The following STMN4 variants were observed in gnomAD, a reference collection of about 807,000 sequenced individuals.
The protein encoded by STMN4 is stathmin-4.
STMN4 carries 12 observed loss-of-function variants against 29.1 expected under a neutral mutation model. The ratio of observed to expected loss-of-function variants is 0.41; its 90% confidence interval spans 0.26 to 0.67. STMN4 has a LOEUF of 0.67. STMN4 is among the 30% of genes least tolerant of loss of function. The probability of loss-of-function intolerance (pLI) is 0.30; values close to 1 mark genes in which losing one functional copy is unlikely to be tolerated. For missense variants in STMN4, 181 were observed against 262.8 expected (o/e 0.69, Z 2.15); for synonymous variants, 114 against 105.3 (o/e 1.08, Z -0.51).
intron 1 of STMN4, among the ~76,000 whole-genome samples, chr8:27,250,428 T>A (rs1034631962): frequency 6.6e-6 from 1 of 152,252 alleles, no homozygotes; most frequent in Non-Finnish European, 1.5e-5. Context: ...CAGGAGTTTT[T>A]GTTGGTGGAA....
At chr8:27,249,526 C>T (rs1801724839) in intron 1 of STMN4, among the ~76,000 whole-genome samples, 1 of 152,182 alleles carries the variant, frequency 6.6e-6, no homozygotes, top group Non-Finnish European at 1.5e-5. Context: ...TGAGGTCACG[C>T]AGAGAACTCC....
intron 1 of STMN4, among the ~76,000 whole-genome samples, chr8:27,257,484 A>G (rs1185222566): frequency 7.5e-6 from 1 of 132,892 alleles, no homozygotes; most frequent in African/African-American, 4.2e-5. Context: ...ACACACACAC[A>G]CACACACACA....
chr8:27,254,305 T>G (rs1801874739), intron 1 of STMN4, among the ~76,000 whole-genome samples: 1 of 152,192 alleles, frequency 6.6e-6, no homozygotes, highest in Non-Finnish European at 1.5e-5. Flanking sequence ...CCACTGACAC[T>G]CTGCTCATCC....
chr8:27,246,582 G>A (rs1376889457), intron 1 of STMN4, among the ~76,000 whole-genome samples: 1 of 107,300 alleles, frequency 9.3e-6, no homozygotes, highest in African/African-American at 3.4e-5. Flanking sequence ...AGGGCTTAAT[G>A]AAGGATCTCA....
At position 27,243,075 on chromosome 8, in the gene STMN4, G is replaced by A. The variant is rs962746419; in HGVS notation, c.14-583C>T. 2.0e-5 allele frequency among the ~76,000 whole-genome samples: 3 copies of A among 152,076 alleles called. No homozygotes were observed. The East Asian group carries it at 5.8e-4, about 29-fold the overall frequency. On this transcript the variant is annotated intron_variant, in intron 2 of 6. Transcript: ENST00000350889. ...TCCCCAAAAGCTGGAGCATATCCCC[G>A]CCACCCTCTAGTCTATCTGTGTTTG...
chr8:27,238,935 A>G (rs1801386847), intron 6 of STMN4, among the ~76,000 whole-genome samples: 1 of 152,210 alleles, frequency 6.6e-6, no homozygotes. Flanking sequence ...TGCCCATCTT[A>G]GCCCAACCCC....
intron 2 of STMN4, among the ~76,000 whole-genome samples, chr8:27,243,471 A>G (rs999483959): frequency 6.6e-6 from 1 of 152,146 alleles, no homozygotes; most frequent in Non-Finnish European, 1.5e-5. Context: ...AGCAAAAGGA[A>G]GAAAATCTCA....
intron 1 of STMN4, among the ~76,000 whole-genome samples, chr8:27,249,460 T>C (rs1411736674): frequency 2.0e-5 from 3 of 152,170 alleles, no homozygotes; most frequent in Non-Finnish European, 4.4e-5. Context: ...TCCCACACGA[T>C]AAACAACTGT....
At chr8:27,255,356 C>G (rs1217259876) in intron 1 of STMN4, among the ~76,000 whole-genome samples, 1 of 152,132 alleles carries the variant, frequency 6.6e-6, no homozygotes, top group Non-Finnish European at 1.5e-5. Context: ...TCTGTGTCTT[C>G]AAAATCTCCG....
At chr8:27,251,290 A>T (rs1801776771) in intron 1 of STMN4, among the ~76,000 whole-genome samples, 2 of 125,132 alleles carry the variant, frequency 1.6e-5, no homozygotes, top group Admixed American at 1.7e-4. Flanking sequence ...ATATACGTAT[A>T]TATATATACA....
Position 27,257,882 on chromosome 8 carries a change from T to C in STMN4, c.-79+469A>G, listed in dbSNP as rs541233100. ...CCAAGAGAAAAAAGTAACCCGTGCA[T>C]AGAGCCGAAGGAAAAGATGTGTGAT... On this transcript the variant is annotated intron_variant, in intron 1 of 6. Coordinates refer to ENST00000350889, the MANE Select transcript of STMN4 (RefSeq NM_030795.4). Among the ~76,000 whole-genome samples the C allele has an allele frequency of 3.7e-4, 56 of 152,072 alleles. No homozygotes were observed. The East Asian group carries it at 6.6e-3, about 18-fold the overall frequency.
In STMN4 at chr8:27,236,771, G is replaced by A; in HGVS notation, c.*75C>T. 7.2e-7 allele frequency: 1 copy of A among 1,384,336 alleles called. No homozygotes were observed. Among genetic ancestry groups the A allele is most frequent in the Non-Finnish European group, 9.6e-7 (1 of 1,038,800 alleles). The allele number at this position is 1,384,336 out of a possible 1,614,324, so 85.8% of individuals were successfully genotyped here. A position where few individuals can be genotyped will look rare whatever the true frequency, so the allele number is the denominator to read the frequency against. The stretch of plus-strand genomic sequence containing the variant: ...AACCCCAGTGCTGGGAGCGCAGCCG[G>A]CGGGCGAGGCTGCCTGGAACGTGGA... On this transcript the variant is annotated 3_prime_UTR_variant, in exon 7 of 7. Transcript: ENST00000350889.
chr8:27,258,115 T>G lies in STMN4; in HGVS notation c.-79+236A>C, dbSNP rs528359178. Among the ~76,000 whole-genome samples the G allele has an allele frequency of 1.6e-4, 25 of 152,178 alleles. No homozygotes were observed. In the South Asian group the frequency reaches 4.8e-3, roughly 29 times the overall value. On this transcript the variant is annotated intron_variant, in intron 1 of 6. Transcript: ENST00000350889. ...TCTGACAATTCCCACCCATCCTGCC[T>G]CTCCTGAGCTCTGGAATAAAAGTGG...
intron 3 of STMN4, chr8:27,241,972 C>T: frequency 1.6e-6 from 1 of 607,644 alleles, no homozygotes; most frequent in Non-Finnish European, 2.9e-6. Flanking sequence ...AGAACCTCCT[C>T]TTCCCACCTC....
At chr8:27,253,687 C>T (rs981466134) in intron 1 of STMN4, among the ~76,000 whole-genome samples, 1 of 150,902 alleles carries the variant, frequency 6.6e-6, no homozygotes, top group Non-Finnish European at 1.5e-5. Flanking sequence ...TACTTGTGAC[C>T]ATCATTGATA....
chr8:27,256,680 T>C (rs1251101868), intron 1 of STMN4, among the ~76,000 whole-genome samples: 1 of 152,228 alleles, frequency 6.6e-6, no homozygotes, highest in Non-Finnish European at 1.5e-5. Context: ...TGAGATGTGC[T>C]CTAATTATTT....
At chr8:27,239,208 G>A (rs998743969) in intron 6 of STMN4, 28 of 1,534,470 alleles carry the variant, frequency 1.8e-5, no homozygotes, top group East Asian at 2.4e-5. Flanking sequence ...AGGAAGGAGC[G>A]GGGACCACGC....
Position 27,243,636 on chromosome 8 carries a change from T to C in STMN4, c.13+75A>G. ...GCTTCCTGCCAGCTGTGTTCTTCCC[T>C]GCTTCTGTGAGTCCATGTTGGGTGA... On this transcript the variant is annotated intron_variant, in intron 2 of 6. Coordinates refer to ENST00000350889, the MANE Select transcript of STMN4 (RefSeq NM_030795.4). 4 of 1,507,994 alleles carry C rather than the reference T, an allele frequency of 2.7e-6. No individual in the cohort carries two copies. The South Asian group carries it at 3.4e-5, about 13-fold the overall frequency. The allele number at this position is 1,507,994 out of a possible 1,614,324, so 93.4% of individuals were successfully genotyped here.
In STMN4 at chr8:27,239,820, G is replaced by A. The variant is rs765897563; in HGVS notation, c.591+151C>T. 65 of 1,545,884 alleles carry A rather than the reference G, an allele frequency of 4.2e-5. 2 individuals carry two copies. In the South Asian group the frequency reaches 6.4e-4, roughly 15 times the overall value. The stretch of plus-strand genomic sequence containing the variant: ...CCTCTGACTTCCCTGATCATCCTTC[G>A]GAACTCTCTAAAGATCCTGCCTAAG... On this transcript the variant is annotated intron_variant, in intron 6 of 6. Transcript: ENST00000350889.
Sources: allele counts gnomAD v4.1 joint callset (sites outside exome capture counted in the v4.1 genomes callset), GRCh38; gene constraint gnomAD v4.1.1; transcripts MANE v1.5; gene names NCBI Gene and HGNC (gene_info 2026-07-23, HGNC 2026-07-21).